LHFPL6: variants seen among roughly 807,000 people sequenced by gnomAD.
LHFPL6 encodes LHFPL tetraspan subfamily member 6.
A neutral mutation model predicts 20.6 loss-of-function variants in LHFPL6; 9 were observed. The observed-to-expected ratio is 0.44, with a 90% CI of 0.26 to 0.76. The LOEUF (loss-of-function observed/expected upper bound fraction) is 0.76. LHFPL6 is among the 30% of genes least tolerant of loss of function. The pLI is 0.20. For synonymous variants in LHFPL6, 105 were observed against 98.7 expected, an observed-to-expected ratio of 1.06 and a Z score of -0.38; for missense variants, 218 against 253.5, an observed-to-expected ratio of 0.86 and a Z score of 0.95.
At chr13:39,416,954 A>T (rs9548757) in intron 2 of LHFPL6, among the ~76,000 whole-genome samples, 24,443 of 152,234 alleles carry the variant, frequency 0.16, 2,369 homozygotes, top group East Asian at 0.5. Context: ...TTTTCTTCTT[A>T]AACATGAACA....
intron 2 of LHFPL6, among the ~76,000 whole-genome samples, chr13:39,497,027 G>A (rs749705931): frequency 1.3e-5 from 2 of 152,154 alleles, no homozygotes; most frequent in Non-Finnish European, 2.9e-5. Context: ...TGTAAATTGT[G>A]GAGCTAGAAA....
chr13:39,561,392 T>C (rs561395761), intron 2 of LHFPL6, among the ~76,000 whole-genome samples: 5 of 152,290 alleles, frequency 3.3e-5, no homozygotes, highest in Middle Eastern at 3.4e-3. Context: ...CCCCACAACT[T>C]AATGTGCATT....
chr13:39,462,484 A>G (rs1872710945), intron 2 of LHFPL6, among the ~76,000 whole-genome samples: 1 of 152,232 alleles, frequency 6.6e-6, no homozygotes. Flanking sequence ...AAGATGTTTA[A>G]AGTCATTTCC....
At chr13:39,492,581 TC>T (rs1351659948) in intron 2 of LHFPL6, among the ~76,000 whole-genome samples, 5 of 152,210 alleles carry the variant, frequency 3.3e-5, no homozygotes, top group Non-Finnish European at 5.9e-5. Flanking sequence ...ATGCCTTTTT[TC>T]CTGTGTGTAT....
chr13:39,380,153 C>T (rs1355935906), intron 2 of LHFPL6, among the ~76,000 whole-genome samples: 1 of 152,082 alleles, frequency 6.6e-6, no homozygotes, highest in Non-Finnish European at 1.5e-5. Flanking sequence ...AAAATGAATT[C>T]CATGAATGTT....
intron 2 of LHFPL6, among the ~76,000 whole-genome samples, chr13:39,560,590 C>T (rs1360593762): frequency 1.4e-5 from 2 of 147,906 alleles, no homozygotes; most frequent in South Asian, 2.2e-4. Context: ...TCTCGGCTCA[C>T]TGCAAGCCCC....
rs140082660 is a variant in LHFPL6, at chr13:39,464,631, A to G, written c.386-86105T>C. Among the ~76,000 whole-genome samples the G allele has an allele frequency of 4.0e-5, 6 of 151,826 alleles. No individual in the cohort carries two copies. The East Asian group carries it at 9.7e-4, about 25-fold the overall frequency. Reference sequence around the variant, plus strand: ...ATTAACTAACAGTGTAGCTAAATATACTTTTATTTTTATAACATTTGAAAG... The same window carrying G: ...ATTAACTAACAGTGTAGCTAAATATGCTTTTATTTTTATAACATTTGAAAG... On this transcript the variant is annotated intron_variant, in intron 2 of 3. Transcript: ENST00000379589.
intron 2 of LHFPL6, among the ~76,000 whole-genome samples, chr13:39,498,750 T>C (rs1311162593): frequency 1.3e-5 from 2 of 152,234 alleles, no homozygotes; most frequent in Non-Finnish European, 2.9e-5. Flanking sequence ...GTGAAGTCCA[T>C]AGTTCTACCT....
At chr13:39,527,074 G>T (rs572292145) in intron 2 of LHFPL6, among the ~76,000 whole-genome samples, 1 of 152,312 alleles carries the variant, frequency 6.6e-6, no homozygotes, top group South Asian at 2.1e-4. Flanking sequence ...CTCCGTCTCT[G>T]TAAGTGCTGG....
chr13:39,544,281 C>T (rs1048971721), intron 2 of LHFPL6, among the ~76,000 whole-genome samples: 21 of 152,106 alleles, frequency 1.4e-4, no homozygotes, highest in East Asian at 5.8e-4. Flanking sequence ...TACATTTTGC[C>T]GCTATATAAT....
intron 2 of LHFPL6, among the ~76,000 whole-genome samples, chr13:39,531,745 A>G (rs1314223312): frequency 1.3e-5 from 2 of 152,178 alleles, no homozygotes; most frequent in Admixed American, 6.5e-5. Flanking sequence ...AGCATAGACA[A>G]TTCAACTAAA....
chr13:39,465,926 G>T (rs2138432617), intron 2 of LHFPL6, among the ~76,000 whole-genome samples: 1 of 152,096 alleles, frequency 6.6e-6, no homozygotes, highest in South Asian at 2.1e-4. Flanking sequence ...TCAGAAGACT[G>T]AACTAGAGAG....
At chr13:39,430,048 C>A (rs1871747306) in intron 2 of LHFPL6, among the ~76,000 whole-genome samples, 1 of 152,232 alleles carries the variant, frequency 6.6e-6, no homozygotes, top group Non-Finnish European at 1.5e-5. Flanking sequence ...GGGCTCAGGG[C>A]TCAGCCCTTG....
At chr13:39,573,745 A>G (rs1258294276) in intron 2 of LHFPL6, among the ~76,000 whole-genome samples, 1 of 152,212 alleles carries the variant, frequency 6.6e-6, no homozygotes, top group Non-Finnish European at 1.5e-5. Flanking sequence ...ATAATATTGC[A>G]TCTAGTAAAT....
chr13:39,505,536 A>AG (rs1869448107), intron 2 of LHFPL6, among the ~76,000 whole-genome samples: 4 of 152,056 alleles, frequency 2.6e-5, no homozygotes, highest in African/African-American at 9.7e-5. Context: ...TGGCAGAAAC[A>AG]GATTTGATTT....
At chr13:39,523,567 A>T (rs2138487969) in intron 2 of LHFPL6, among the ~76,000 whole-genome samples, 1 of 116,278 alleles carries the variant, frequency 8.6e-6, no homozygotes, top group African/African-American at 3.3e-5. Flanking sequence ...AAAAAAAAAA[A>T]TGGTAGTGTA....
At chr13:39,487,733 G>A (rs1158444615) in intron 2 of LHFPL6, among the ~76,000 whole-genome samples, 2 of 152,208 alleles carry the variant, frequency 1.3e-5, no homozygotes, top group African/African-American at 4.8e-5. Context: ...TCTAGGCCGG[G>A]TGCGGTGGCT....
At chr13:39,377,563 G>T (rs1870321781) in intron 3 of LHFPL6, among the ~76,000 whole-genome samples, 2 of 152,146 alleles carry the variant, frequency 1.3e-5, no homozygotes, top group Admixed American at 1.3e-4. Context: ...TGCCCAGCTA[G>T]AAAGAAATAA....
At chr13:39,422,623 AAC>A (rs1157955357) in intron 2 of LHFPL6, among the ~76,000 whole-genome samples, 1 of 147,640 alleles carries the variant, frequency 6.8e-6, no homozygotes. Context: ...AGAAGAAGAA[AAC>A]ACAATGCGCA....
Sources: gnomAD v4.1 joint callset for allele counts (sites outside exome capture counted in the v4.1 genomes callset) on GRCh38, gnomAD v4.1.1 for gene constraint, MANE v1.5 for transcripts, NCBI Gene and HGNC (gene_info 2026-07-23, HGNC 2026-07-21) for gene names.